Variants in PCDHA4 observed in about 807,000 individuals in gnomAD.
PCDHA4 encodes protocadherin alpha-4.
A neutral mutation model predicts 61.4 loss-of-function variants in PCDHA4; 49 were observed. That is an observed-to-expected ratio of 0.80 (90% CI 0.63 to 1.01). PCDHA4 has a LOEUF of 1.01. PCDHA4 is among the 50% of genes least tolerant of loss of function. The probability of loss-of-function intolerance (pLI) is 0.00; values close to 1 mark genes in which losing one functional copy is unlikely to be tolerated. For missense variants in PCDHA4, 1,254 were observed against 1,235.8 expected, an observed-to-expected ratio of 1.01 and a Z score of -0.22; for synonymous variants, 590 against 550.3, an observed-to-expected ratio of 1.07 and a Z score of -1.01.
In PCDHA4 at chr5:140,832,659, T is replaced by A. The variant is rs1044025424; in HGVS notation, c.2385+23087T>A. On this transcript the variant is annotated intron_variant, in intron 1 of 3. Transcript: ENST00000530339. ...AGGAGGGTCTTTAAGAGTATCACAC[T>A]GTGCCTGCTGAGAATCATCGAATTA... 3.9e-5 allele frequency among the ~76,000 whole-genome samples: 6 copies of A among 152,316 alleles called. No homozygotes were observed. The South Asian group carries it at 1.0e-3, about 26-fold the overall frequency.
Position 140,849,822 on chromosome 5 carries a change from G to T in PCDHA4, c.2385+40250G>T, listed in dbSNP as rs2150452005. 3.8e-6 allele frequency: 6 copies of T among 1,598,508 alleles called. 1 individual carries two copies. The African/African-American group carries it at 8.1e-5, about 21-fold the overall frequency. ...ACTGTGGGCCACGGCCAGGGTGTCT[G>T]TGGAGGTGGCCGACGTGAACGACAA... On this transcript the variant is annotated intron_variant, in intron 1 of 3. Coordinates refer to ENST00000530339, the MANE Select transcript of PCDHA4 (RefSeq NM_018907.4).
At chr5:140,936,512 A>G (rs575884793) in intron 1 of PCDHA4, among the ~76,000 whole-genome samples, 1 of 152,324 alleles carries the variant, frequency 6.6e-6, no homozygotes, top group Non-Finnish European at 1.5e-5. Context: ...TAGATCTTAA[A>G]TTACCTGAAA....
intron 3 of PCDHA4, among the ~76,000 whole-genome samples, chr5:141,003,916 A>C (rs1176586597): frequency 3.9e-5 from 6 of 152,150 alleles, no homozygotes; most frequent in African/African-American, 1.4e-4. Context: ...TCTTGACTGC[A>C]TCCTCAGTCT....
chr5:140,914,207 A>G (rs1485868934), intron 1 of PCDHA4, among the ~76,000 whole-genome samples: 4 of 152,060 alleles, frequency 2.6e-5, no homozygotes, highest in African/African-American at 9.7e-5. Context: ...TGTGATCTCT[A>G]TCTCTCTTTT....
In PCDHA4 at chr5:140,807,268, G is replaced by C. The variant is rs557517265; in HGVS notation, c.81G>C (p.Gly27=). 36 of 1,614,224 alleles carry C rather than the reference G, an allele frequency of 2.2e-5. No individual in the cohort carries two copies. The highest frequency in any genetic ancestry group is 3.1e-5 in the Non-Finnish European group (36 of 1,180,046). ...TTCTCCTCGCAGCCTGGGAGGCAGG[G>C]AACGGTCAGCTCCACTACTCGGTCT... The part of the protein sequence containing the change: ...LLLLLAAWEA[G]NGQLHYSVSE... Residue 27 remains glycine (G), a synonymous_variant, in exon 1 of 4, where the codon GGG becomes GGC. Coordinates refer to ENST00000530339, the MANE Select transcript of PCDHA4 (RefSeq NM_018907.4).
At chr5:140,882,454 C>G (rs782708863) in intron 1 of PCDHA4, 12 of 1,613,934 alleles carry the variant, frequency 7.4e-6, no homozygotes, top group Non-Finnish European at 1.0e-5. Flanking sequence ...TGGTGCCGCG[C>G]CTGTTCCGGG....
At position 140,807,450 on chromosome 5, in the gene PCDHA4, C is replaced by T; in HGVS notation, c.263C>T (p.Ser88Phe). Residue 88 changes from serine (S) to phenylalanine (F), a missense_variant, in exon 1 of 4, where the codon TCT (serine) becomes TTT (phenylalanine). Physicochemically the swap from Ser to Phe is radical, Grantham distance 155. Coordinates refer to ENST00000530339, the MANE Select transcript of PCDHA4 (RefSeq NM_018907.4). ...CAGAATGGCATTTTGTTTGTGAATT[C>T]TCGGATCGACCGGGAGGAGCTGTGC... The part of the protein sequence containing the change: ...NLQNGILFVN[S>F]RIDREELCRR... 1.2e-6 allele frequency: 2 copies of T among 1,606,840 alleles called. No homozygotes were observed. Among genetic ancestry groups the T allele is most frequent in the Non-Finnish European group, 1.7e-6 (2 of 1,177,736 alleles).
At chr5:140,929,417 T>C in intron 1 of PCDHA4, 2 of 1,503,568 alleles carry the variant, frequency 1.3e-6, no homozygotes, top group Non-Finnish European at 1.8e-6. Context: ...TTTCACAACA[T>C]TTCATCAATT....
chr5:140,829,618 G>A (rs2150171379), intron 1 of PCDHA4: 5 of 1,612,188 alleles, frequency 3.1e-6, no homozygotes, highest in Middle Eastern at 2.1e-4. Context: ...GCTACATTTC[G>A]GTGCACGCGG....
At chr5:140,838,559 T>C (rs1251865837) in intron 1 of PCDHA4, among the ~76,000 whole-genome samples, 1 of 152,048 alleles carries the variant, frequency 6.6e-6, no homozygotes, top group Non-Finnish European at 1.5e-5. Context: ...ATTCATCCAG[T>C]ACTGTATTAG....
chr5:140,848,521 C>T lies in PCDHA4; in HGVS notation c.2385+38949C>T, dbSNP rs2150411815. The T allele has an allele frequency of 1.3e-6, 2 of 1,592,868 alleles. 1 individual carries two copies. The highest frequency in any genetic ancestry group is 1.7e-6 in the Non-Finnish European group (2 of 1,164,010). On this transcript the variant is annotated intron_variant, in intron 1 of 3. Coordinates refer to ENST00000530339, the MANE Select transcript of PCDHA4 (RefSeq NM_018907.4). Reference sequence around the variant, plus strand: ...ATGTTATACTCAAGTCGAGGAGATCCAGAGGGTCAGCCTCTACTGCTCTCG... The same window carrying T: ...ATGTTATACTCAAGTCGAGGAGATCTAGAGGGTCAGCCTCTACTGCTCTCG...
chr5:140,848,301 G>A (rs2150408358), intron 1 of PCDHA4: 1 of 676,876 alleles, frequency 1.5e-6, no homozygotes, highest in Non-Finnish European at 2.5e-6. Flanking sequence ...GCCACGTGAT[G>A]TCACTCTTTG....
At chr5:140,814,232 G>GTT (rs1765467987) in intron 1 of PCDHA4, 6 of 146,362 alleles carry the variant, frequency 4.1e-5, no homozygotes, top group African/African-American at 1.6e-4. Context: ...TTTTGTTGTT[G>GTT]TTGTTAAAAA....
chr5:140,835,845 G>C, intron 1 of PCDHA4: 2 of 1,612,312 alleles, frequency 1.2e-6, no homozygotes, highest in Non-Finnish European at 1.7e-6. Context: ...GCAGAAGAAC[G>C]CGCTGGTGTC....
In PCDHA4 at chr5:140,829,619, G is replaced by A. The variant is rs2150171430; in HGVS notation, c.2385+20047G>A. 40 of 1,612,108 alleles carry A rather than the reference G, an allele frequency of 2.5e-5. No individual in the cohort carries two copies. In the Middle Eastern group the frequency reaches 8.2e-4, roughly 33 times the overall value. Reference sequence around the variant, plus strand: ...GCGCGCGTTGTCGAGCTACATTTCGGTGCACGCGGAGAGCGGCAAGGTGTA... The same window carrying A: ...GCGCGCGTTGTCGAGCTACATTTCGATGCACGCGGAGAGCGGCAAGGTGTA... On this transcript the variant is annotated intron_variant, in intron 1 of 3. Transcript: ENST00000530339.
chr5:140,968,923 T>G lies in PCDHA4; in HGVS notation c.2386-10026T>G, dbSNP rs140504777. The G allele has an allele frequency of 2.9e-3, 4,668 of 1,614,212 alleles. 4 individuals are homozygous for G. Among genetic ancestry groups the G allele is most frequent in the Non-Finnish European group, 3.3e-3 (3,916 of 1,180,046 alleles). ...CATTAAGCACAGTGTCTTTTATATT[T>G]CTTTTGACAATCATCATTTTGAGCA... On this transcript the variant is annotated intron_variant, in intron 1 of 3. Coordinates refer to ENST00000530339, the MANE Select transcript of PCDHA4 (RefSeq NM_018907.4).
In PCDHA4 at chr5:140,808,146, T is replaced by C. The variant is rs1764107418; in HGVS notation, c.959T>C (p.Val320Ala). Reference protein sequence around the residue: ...FEESKSYEIIVEGIDKGQLPL... With the variant: ...FEESKSYEIIAEGIDKGQLPL... The stretch of plus-strand genomic sequence containing the variant: ...GAAAGCAAATCCTATGAAATTATTG[T>C]AGAGGGCATTGATAAGGGACAGCTC... Residue 320 changes from valine to alanine, a missense_variant, in exon 1 of 4, where the codon GTA (valine) becomes GCA (alanine). Val to Ala is a moderately conservative substitution (Grantham distance 64). Coordinates refer to ENST00000530339, the MANE Select transcript of PCDHA4 (RefSeq NM_018907.4). 3 of 1,614,126 alleles carry C rather than the reference T, an allele frequency of 1.9e-6. No individual in the cohort carries two copies. The highest frequency in any genetic ancestry group is 1.3e-5 in the African/African-American group (1 of 75,056).
At chr5:140,951,832 C>A (rs2094641157) in intron 1 of PCDHA4, among the ~76,000 whole-genome samples, 1 of 152,142 alleles carries the variant, frequency 6.6e-6, no homozygotes, top group East Asian at 1.9e-4. Context: ...CTCATTCCAG[C>A]ATTAAGCCAA....
chr5:140,815,905 A>T (rs1765811325), intron 1 of PCDHA4: 1 of 151,596 alleles, frequency 6.6e-6, no homozygotes, highest in Admixed American at 6.6e-5. Context: ...ATAACATCTC[A>T]CCCCTTTCTG....
Sources: gnomAD v4.1 joint callset for allele counts (sites outside exome capture counted in the v4.1 genomes callset) on GRCh38, gnomAD v4.1.1 for gene constraint, MANE v1.5 for transcripts, NCBI Gene and HGNC (gene_info 2026-07-23, HGNC 2026-07-21) for gene names.